The following ERCC8 variants were observed in gnomAD, a reference collection of about 807,000 sequenced individuals.
ERCC8 encodes the protein DNA excision repair protein ERCC-8.
Under a neutral mutation model 54.9 loss-of-function variants are expected in ERCC8, and 52 were observed. That is an observed-to-expected ratio of 0.95 (90% CI 0.76 to 1.19). ERCC8 has a LOEUF of 1.19. Among genes scored for constraint, ERCC8 ranks in the 50% most tolerant of loss-of-function variants. The pLI, the probability that ERCC8 is intolerant of heterozygous loss-of-function variation, is 0.00. For missense variants in ERCC8, 514 were observed against 466.1 expected (o/e 1.10, Z -0.95); for synonymous variants, 146 against 157.2 (o/e 0.93, Z 0.53).
intron 1 of ERCC8, among the ~76,000 whole-genome samples, chr5:60,937,424 G>A (rs1014354223): frequency 7.9e-5 from 12 of 152,210 alleles, no homozygotes; most frequent in African/African-American, 2.7e-4. Flanking sequence ...GGTGGGAGCA[G>A]GGTTAGGCAT....
chr5:60,938,020 T>C (rs1750120051), intron 1 of ERCC8, among the ~76,000 whole-genome samples: 1 of 142,740 alleles, frequency 7.0e-6, no homozygotes, highest in African/African-American at 2.6e-5. Flanking sequence ...TGTGTGTGTG[T>C]GTGTATACAT....
intron 8 of ERCC8, among the ~76,000 whole-genome samples, chr5:60,898,979 G>T (rs1748797382): frequency 7.0e-6 from 1 of 143,182 alleles, no homozygotes; most frequent in African/African-American, 2.6e-5. Flanking sequence ...TCTAATATAT[G>T]AAATATATTA....
chr5:60,903,995 C>T (rs1365433194), intron 5 of ERCC8, among the ~76,000 whole-genome samples: 2 of 152,010 alleles, frequency 1.3e-5, no homozygotes, highest in Non-Finnish European at 2.9e-5. Flanking sequence ...TAAAGAGAAC[C>T]GTGTACCCTT....
chr5:60,912,717 T>C (rs572239845), intron 4 of ERCC8, among the ~76,000 whole-genome samples: 3 of 152,256 alleles, frequency 2.0e-5, no homozygotes, highest in South Asian at 2.1e-4. Flanking sequence ...AGTATGATAT[T>C]GGCTGTGGGT....
chr5:60,941,501 G>GA (rs1304064088), intron 1 of ERCC8, among the ~76,000 whole-genome samples: 2 of 151,830 alleles, frequency 1.3e-5, no homozygotes, highest in African/African-American at 4.8e-5. Context: ...GTGTAGTGTT[G>GA]AAAAAACATT....
chr5:60,893,649 AAG>A (rs911035922), intron 9 of ERCC8: 3 of 559,366 alleles, frequency 5.4e-6, no homozygotes, highest in South Asian at 4.2e-5. Context: ...GGGATCTGAG[AAG>A]AGAGAGTAAC....
chr5:60,878,782 G>T (rs1748104347), intron 11 of ERCC8, among the ~76,000 whole-genome samples: 1 of 151,988 alleles, frequency 6.6e-6, no homozygotes, highest in Non-Finnish European at 1.5e-5. Context: ...ACTCTTGCTA[G>T]TGGTCTATCA....
chr5:60,893,421 T>G, intron 9 of ERCC8: 3 of 915,460 alleles, frequency 3.3e-6, no homozygotes, highest in Middle Eastern at 4.4e-4. Context: ...ACCCTCTTCT[T>G]TATTTCAGCC....
chr5:60,896,571 C>A (rs755499319), intron 9 of ERCC8, among the ~76,000 whole-genome samples: 2 of 152,010 alleles, frequency 1.3e-5, no homozygotes, highest in Non-Finnish European at 2.9e-5. Context: ...ATCTGATAGC[C>A]CTTTAAAAAT....
chr5:60,905,369 A>T (rs1353330109), intron 4 of ERCC8, among the ~76,000 whole-genome samples: 1 of 152,166 alleles, frequency 6.6e-6, no homozygotes, highest in African/African-American at 2.4e-5. Context: ...TAAACTCTGG[A>T]ACCCCTAACA....
intron 11 of ERCC8, among the ~76,000 whole-genome samples, chr5:60,885,271 C>T (rs1435390490): frequency 6.6e-6 from 1 of 152,130 alleles, no homozygotes; most frequent in African/African-American, 2.4e-5. Flanking sequence ...ACCTCAGCCT[C>T]TCAAAGTGCT....
At chr5:60,933,642 T>G (rs74992137) in intron 1 of ERCC8, among the ~76,000 whole-genome samples, 2,141 of 152,320 alleles carry the variant, frequency 0.014, 52 homozygotes, top group African/African-American at 0.049. Flanking sequence ...AGTTCTTCAG[T>G]GGTGATTTCT....
rs1747788410 is a variant in ERCC8 at position 60,868,000 on chromosome 5, G to A, written c.*6615C>T. On this transcript the variant is annotated 3_prime_UTR_variant, in exon 12 of 12. Transcript: ENST00000676185. ...GTTCGAGACCAGCCAGACCAACATG[G>A]AGAAACCCTGTCTCTACTAAAAATA... Among the ~76,000 whole-genome samples the A allele has an allele frequency of 6.6e-6, 1 of 152,168 alleles. No homozygotes were observed. The highest frequency in any genetic ancestry group is 1.5e-5 in the Non-Finnish European group (1 of 68,046).
At chr5:60,909,243 G>GAAAAAAAAAAA (rs60064294) in intron 4 of ERCC8, among the ~76,000 whole-genome samples, 5 of 19,948 alleles carry the variant, frequency 2.5e-4, no homozygotes, top group African/African-American at 3.4e-4. Context: ...GCCCTATTCT[G>GAAAAAAAAAAA]AAAAAAAAAA....
chr5:60,939,231 A>G (rs554203162), intron 1 of ERCC8, among the ~76,000 whole-genome samples: 2 of 152,294 alleles, frequency 1.3e-5, no homozygotes, highest in South Asian at 4.1e-4. Flanking sequence ...CATATTATAT[A>G]TTTCCAGCTT....
intron 4 of ERCC8, among the ~76,000 whole-genome samples, chr5:60,911,528 C>G (rs1278306981): frequency 6.6e-6 from 1 of 151,866 alleles, no homozygotes; most frequent in Non-Finnish European, 1.5e-5. Flanking sequence ...AAATTTTCTC[C>G]CATTCTGTAG....
At chr5:60,899,517 T>C (rs1748811576) in intron 8 of ERCC8, 110 bp downstream of exon 8, 1 of 768,556 alleles carries the variant, frequency 1.3e-6, no homozygotes, top group African/African-American at 1.7e-5. Context: ...TTTTGAAAAA[T>C]CATAAAGTTT....
At chr5:60,928,823 A>G (rs1341528138) in intron 2 of ERCC8, 41 bp downstream of exon 2, 1 of 1,146,956 alleles carries the variant, frequency 8.7e-7, no homozygotes, top group Admixed American at 1.7e-5. Context: ...ACTGCATTTC[A>G]CTTAGAAAGA....
At chr5:60,875,451 T>C (rs1747969471) in intron 11 of ERCC8, among the ~76,000 whole-genome samples, 1 of 152,204 alleles carries the variant, frequency 6.6e-6, no homozygotes, top group Non-Finnish European at 1.5e-5. Context: ...TCATCTGTGG[T>C]ATTTCAAATC....
Sources: allele counts gnomAD v4.1 joint callset (sites outside exome capture counted in the v4.1 genomes callset), GRCh38; gene constraint gnomAD v4.1.1; transcripts MANE v1.5; gene names NCBI Gene and HGNC (gene_info 2026-07-23, HGNC 2026-07-21).